The following RIMS2 variants were observed in gnomAD, a reference collection of about 807,000 sequenced individuals.
RIMS2 encodes the protein regulating synaptic membrane exocytosis protein 2.
RIMS2 carries 59 observed loss-of-function variants against 174.4 expected under a neutral mutation model. That is an observed-to-expected ratio of 0.34 (90% CI 0.27 to 0.42). The LOEUF (loss-of-function observed/expected upper bound fraction) is 0.42, where lower values mean the gene tolerates loss of function less well. Ranked by LOEUF, RIMS2 falls within the 10% of genes least tolerant of loss-of-function variation. RIMS2 has a pLI of 1.00. For missense variants in RIMS2, 1,620 were observed against 1,666.3 expected (o/e 0.97, Z 0.48); for synonymous variants, 606 against 572.5 (o/e 1.06, Z -0.84).
intron 19 of RIMS2, among the ~76,000 whole-genome samples, chr8:104,105,071 G>A (rs559619334): frequency 4.5e-4 from 69 of 152,166 alleles, no homozygotes; most frequent in Non-Finnish European, 6.6e-4. Context: ...TTTTTGTAAC[G>A]GCTATTTAAA....
intron 19 of RIMS2, among the ~76,000 whole-genome samples, chr8:104,016,502 T>C (rs906352134): frequency 3.9e-5 from 6 of 152,030 alleles, no homozygotes; most frequent in African/African-American, 1.4e-4. Flanking sequence ...AACAATCCAG[T>C]GATATTGTGA....
chr8:104,036,443 A>G (rs1174675514), intron 19 of RIMS2, among the ~76,000 whole-genome samples: 2 of 151,094 alleles, frequency 1.3e-5, no homozygotes, highest in Admixed American at 1.3e-4. Flanking sequence ...GAGCCACACC[A>G]CCCGGTCTGG....
At chr8:103,512,612 A>G (rs2131145206) in intron 1 of RIMS2, among the ~76,000 whole-genome samples, 1 of 152,128 alleles carries the variant, frequency 6.6e-6, no homozygotes, top group South Asian at 2.1e-4. Context: ...GGCCAAAGCA[A>G]ATTTCATGAT....
chr8:103,726,737 A>G (rs1482195905), intron 2 of RIMS2, among the ~76,000 whole-genome samples: 2 of 147,708 alleles, frequency 1.4e-5, no homozygotes, highest in East Asian at 3.9e-4. Context: ...AATTATATAT[A>G]TATATATATT....
At chr8:104,016,194 A>T (rs760779147) in intron 19 of RIMS2, among the ~76,000 whole-genome samples, 19 of 152,066 alleles carry the variant, frequency 1.2e-4, no homozygotes, top group Non-Finnish European at 1.6e-4. Context: ...TGCCTGGCAC[A>T]TTGTAGACCC....
At chr8:103,837,522 C>T (rs190673108) in intron 3 of RIMS2, among the ~76,000 whole-genome samples, 1 of 152,314 alleles carries the variant, frequency 6.6e-6, no homozygotes, top group East Asian at 1.9e-4. Flanking sequence ...ATCCCTCCCC[C>T]CTCAACAGAC....
chr8:104,129,033 G>A (rs1262413071), intron 19 of RIMS2, among the ~76,000 whole-genome samples: 1 of 152,166 alleles, frequency 6.6e-6, no homozygotes, highest in Non-Finnish European at 1.5e-5. Flanking sequence ...AAAAGTGGCT[G>A]AAGAATAAAG....
intron 20 of RIMS2, among the ~76,000 whole-genome samples, chr8:104,245,891 T>C (rs1343217298): frequency 6.6e-6 from 1 of 152,202 alleles, no homozygotes; most frequent in Non-Finnish European, 1.5e-5. Context: ...TTTCTCTACA[T>C]TTGTAAGTAG....
At chr8:104,245,422 T>C (rs1381973842) in intron 20 of RIMS2, among the ~76,000 whole-genome samples, 1 of 152,192 alleles carries the variant, frequency 6.6e-6, no homozygotes, top group Non-Finnish European at 1.5e-5. Context: ...AGAATCGCCA[T>C]CCTGAGAATT....
intron 3 of RIMS2, among the ~76,000 whole-genome samples, chr8:103,843,589 G>T (rs1001782857): frequency 6.6e-6 from 1 of 152,058 alleles, no homozygotes; most frequent in Non-Finnish European, 1.5e-5. Flanking sequence ...TGAATTAGTA[G>T]TTTTCTTCAA....
At chr8:103,788,156 C>G (rs949053479) in intron 3 of RIMS2, among the ~76,000 whole-genome samples, 3 of 149,310 alleles carry the variant, frequency 2.0e-5, no homozygotes, top group South Asian at 2.1e-4. Context: ...ATTGGTTATT[C>G]TAGTTATACA....
intron 13 of RIMS2, among the ~76,000 whole-genome samples, chr8:103,941,124 T>C (rs934375356): frequency 1.3e-5 from 2 of 152,222 alleles, no homozygotes; most frequent in Non-Finnish European, 2.9e-5. Flanking sequence ...TGTTGTATTG[T>C]GTGTTTGTAA....
At chr8:104,228,097 C>T (rs925182719) in intron 19 of RIMS2, among the ~76,000 whole-genome samples, 3 of 149,246 alleles carry the variant, frequency 2.0e-5, no homozygotes, top group Admixed American at 1.3e-4. Context: ...GGTGCGATCT[C>T]GGCTCACTGC....
At chr8:104,223,390 C>T (rs1438675716) in intron 19 of RIMS2, 1 of 1,254,132 alleles carries the variant, frequency 8.0e-7, no homozygotes, top group East Asian at 3.4e-5. Flanking sequence ...AGACCTCGGA[C>T]GTTCACTGCG....
chr8:103,865,284 CTTT>C (rs67300843), intron 3 of RIMS2, among the ~76,000 whole-genome samples: 1 of 119,724 alleles, frequency 8.4e-6, no homozygotes. Context: ...CAGTTTTTTT[CTTT>C]TTTTTTTTTT....
chr8:104,241,579 G>C (rs2099295996), intron 19 of RIMS2, among the ~76,000 whole-genome samples: 1 of 152,056 alleles, frequency 6.6e-6, no homozygotes, highest in Non-Finnish European at 1.5e-5. Flanking sequence ...TCCTTTCTAA[G>C]TCGTATGTTT....
intron 1 of RIMS2, among the ~76,000 whole-genome samples, chr8:103,513,192 A>G (rs982760976): frequency 2.6e-5 from 4 of 152,138 alleles, no homozygotes; most frequent in African/African-American, 9.7e-5. Context: ...TTACAGGTAC[A>G]TGTAATATGA....
intron 19 of RIMS2, among the ~76,000 whole-genome samples, chr8:104,203,735 C>G (rs2099066615): frequency 6.6e-6 from 1 of 152,032 alleles, no homozygotes. Context: ...AACTACTGAC[C>G]TCAAGTGATC....
chr8:103,918,682 T>C, intron 9 of RIMS2, 195 bp downstream of exon 12: 1 of 553,216 alleles, frequency 1.8e-6, no homozygotes, highest in Non-Finnish European at 3.3e-6. Flanking sequence ...TATTTTAAGT[T>C]TTTTTTAAAC....
Sources: gnomAD v4.1 joint callset for allele counts (sites outside exome capture counted in the v4.1 genomes callset) on GRCh38, gnomAD v4.1.1 for gene constraint, MANE v1.5 for transcripts, NCBI Gene and HGNC (gene_info 2026-07-23, HGNC 2026-07-21) for gene names.